NIF3L1: variants seen among roughly 807,000 people sequenced by gnomAD.
NIF3L1 encodes the protein NIF3-like protein 1.
NIF3L1 carries 26 observed loss-of-function variants against 35.0 expected under a neutral mutation model. The observed-to-expected ratio is 0.74, with a 90% CI of 0.54 to 1.03. NIF3L1 has a LOEUF of 1.03. Ranked by LOEUF, NIF3L1 falls within the 50% of genes least tolerant of loss-of-function variation. The pLI, the probability that NIF3L1 is intolerant of heterozygous loss-of-function variation, is 0.00. For missense variants in NIF3L1, 449 were observed against 466.3 expected, an observed-to-expected ratio of 0.96 and a Z score of 0.34; for synonymous variants, 157 against 178.9, an observed-to-expected ratio of 0.88 and a Z score of 0.98.
chr2:200,895,873 C>T (rs2040300411), intron 4 of NIF3L1, among the ~76,000 whole-genome samples: 1 of 152,042 alleles, frequency 6.6e-6, no homozygotes. Flanking sequence ...GAAAAAATGA[C>T]AAGAACCCAT....
At chr2:200,901,830 CCT>C (rs1260986156) in intron 6 of NIF3L1, among the ~76,000 whole-genome samples, 2 of 152,304 alleles carry the variant, frequency 1.3e-5, no homozygotes, top group South Asian at 2.1e-4. Context: ...TGATTTCCCC[CCT>C]TTCATGCCTT....
intron 3 of NIF3L1, among the ~76,000 whole-genome samples, chr2:200,894,515 C>T (rs2040263373): frequency 6.6e-6 from 1 of 151,868 alleles, no homozygotes; most frequent in Admixed American, 6.6e-5. Flanking sequence ...ATTCTCCTGC[C>T]TCAGCCTCCC....
Position 200,894,080 on chromosome 2 carries a change from AGGAGAATCACTTGAACCCGAGAGGC to A in NIF3L1, c.599+677_599+701del, listed in dbSNP as rs910387969. The stretch of plus-strand genomic sequence containing the variant: ...TCCCAGCTACTCAGGAGGCTGAGGC[AGGAGAATCACTTGAACCCGAGAGGC>A]GGAGGTTGCAGTGAGCCGAGATCGC... On this transcript the variant is annotated intron_variant, in intron 3 of 6. Coordinates refer to ENST00000409020, the MANE Select transcript of NIF3L1 (RefSeq NM_001369441.2). Among the ~76,000 whole-genome samples, 13 of 151,732 alleles carry A rather than the reference AGGAGAATCACTTGAACCCGAGAGGC, an allele frequency of 8.6e-5. 1 individual carries two copies. Among genetic ancestry groups the A allele is most frequent in the African/African-American group, 2.2e-4 (9 of 41,400 alleles).
At chr2:200,890,776 A>C (rs965436445) in intron 1 of NIF3L1, among the ~76,000 whole-genome samples, 39 of 152,188 alleles carry the variant, frequency 2.6e-4, no homozygotes, top group African/African-American at 7.5e-4. Flanking sequence ...CTGTCTGGGA[A>C]AAGTACCCTA....
At position 200,899,367 on chromosome 2, in the gene NIF3L1, G is replaced by A; in HGVS notation, c.866-18G>A. 6.2e-7 allele frequency: 1 copy of A among 1,600,814 alleles called. No homozygotes were observed. The highest frequency in any genetic ancestry group is 8.6e-7 in the Non-Finnish European group (1 of 1,168,400). ...GGGAATTGTAAAGTATTGGTCTCTT[G>A]TTTCCTCTGTTTTGAAGAGTCTCAA... On this transcript the variant is annotated intron_variant, in intron 5 of 6. Coordinates refer to ENST00000409020, the MANE Select transcript of NIF3L1 (RefSeq NM_001369441.2).
chr2:200,899,610 G>A (rs1226208026), intron 6 of NIF3L1, 142 bp downstream of exon 6: 6 of 592,078 alleles, frequency 1.0e-5, no homozygotes, highest in Admixed American at 5.9e-5. Context: ...CAGAACTGGG[G>A]ACTTACTGCA....
chr2:200,896,955 T>A, intron 4 of NIF3L1, 121 bp from the exon 5 acceptor site: 1 of 915,292 alleles, frequency 1.1e-6, no homozygotes, highest in Non-Finnish European at 1.6e-6. Context: ...GTCAGGTTTG[T>A]ATCCCCACAT....
At chr2:200,899,040 T>C in intron 5 of NIF3L1, 2 of 217,542 alleles carry the variant, frequency 9.2e-6, no homozygotes, top group Non-Finnish European at 1.9e-5. Context: ...CAGCAGCACA[T>C]ATACTAAAAA....
At chr2:200,894,748 T>TA (rs2040269592) in intron 3 of NIF3L1, among the ~76,000 whole-genome samples, 1 of 150,076 alleles carries the variant, frequency 6.7e-6, no homozygotes, top group Non-Finnish European at 1.5e-5. Flanking sequence ...TTTTAATAAT[T>TA]AAAAAAATAA....
In NIF3L1 at chr2:200,903,660, C is replaced by T. The variant is rs1325582988; in HGVS notation, c.1116C>T (p.Asp372=). 6.2e-7 allele frequency: 1 copy of T among 1,612,582 alleles called. No individual in the cohort carries two copies. The highest frequency in any genetic ancestry group is 2.2e-5 in the East Asian group (1 of 44,868). Residue 372 remains aspartate (D), a synonymous_variant, in exon 7 of 7, where the codon GAC becomes GAT. Transcript: ENST00000409020. ...INIILSETDR[D]PLQVV ...TTATCCTATCAGAGACTGACAGGGA[C>T]CCTCTTCAGGTGGTATAATTGCAGA...
rs2040377653 is a variant in NIF3L1 at position 200,899,488 on chromosome 2, T to C, written c.949+20T>C. On this transcript the variant is annotated intron_variant, in intron 6 of 6. Coordinates refer to ENST00000409020, the MANE Select transcript of NIF3L1 (RefSeq NM_001369441.2). ...TCACAGGTAGGACAGACTTTGGATCTCTCTTGGTTTATTTTTTGCAAAATC... is the reference window on the plus strand; with the variant it reads ...TCACAGGTAGGACAGACTTTGGATCCCTCTTGGTTTATTTTTTGCAAAATC... The C allele has an allele frequency of 6.2e-7, 1 of 1,605,420 alleles. No individual in the cohort carries two copies.
intron 5 of NIF3L1, among the ~76,000 whole-genome samples, chr2:200,898,169 G>A (rs1269516201): frequency 2.1e-5 from 3 of 141,714 alleles, no homozygotes; most frequent in Non-Finnish European, 4.6e-5. Context: ...GGTTCAGAGA[G>A]ATAAGTAACT....
intron 3 of NIF3L1, among the ~76,000 whole-genome samples, chr2:200,894,437 G>A (rs1445143547): frequency 6.6e-6 from 1 of 151,954 alleles, no homozygotes; most frequent in Non-Finnish European, 1.5e-5. Context: ...GTCTCACTCT[G>A]TTGCCCAGGT....
rs1171955658 is a variant in NIF3L1 at position 200,900,212 on chromosome 2, C to G, written c.949+744C>G. 2.0e-5 allele frequency among the ~76,000 whole-genome samples: 3 copies of G among 152,148 alleles called. No homozygotes were observed. The East Asian group carries it at 5.8e-4, about 29-fold the overall frequency. On this transcript the variant is annotated intron_variant, in intron 6 of 6. Transcript: ENST00000409020. ...TGCACTTCTGTTGGATAGTAATTGT[C>G]TGGCTGCTGGGCCTTATACTTTCTC...
In NIF3L1 at chr2:200,899,487, C is replaced by T. The variant is rs2040377607; in HGVS notation, c.949+19C>T. On this transcript the variant is annotated intron_variant, in intron 6 of 6. Transcript: ENST00000409020. The stretch of plus-strand genomic sequence containing the variant: ...CTCACAGGTAGGACAGACTTTGGAT[C>T]TCTCTTGGTTTATTTTTTGCAAAAT... 2 of 1,606,096 alleles carry T rather than the reference C, an allele frequency of 1.2e-6. No homozygotes were observed. The highest frequency in any genetic ancestry group is 2.7e-5 in the African/African-American group (2 of 74,700).
At chr2:200,897,782 T>C (rs574965113) in intron 5 of NIF3L1, among the ~76,000 whole-genome samples, 2 of 152,336 alleles carry the variant, frequency 1.3e-5, no homozygotes, top group Admixed American at 6.5e-5. Flanking sequence ...CTGGTACTTT[T>C]GAGAACAAAA....
In NIF3L1 at chr2:200,893,397, T is replaced by G. The variant is rs2040240822; in HGVS notation, c.588T>G (p.Ser196=). Residue 196 remains serine (S), a synonymous_variant, in exon 3 of 7, where the codon TCT becomes TCG. Coordinates refer to ENST00000409020, the MANE Select transcript of NIF3L1 (RefSeq NM_001369441.2). ...GAATTGACGGTGTTTCTGTCACTTC[T>G]TTTTCTGCTAGGTACAATTTATTTT... is the stretch of plus-strand genomic sequence containing the variant. ...VKGIDGVSVT[S]FSARTGNEEQ... 1 of 1,613,886 alleles carries G rather than the reference T, an allele frequency of 6.2e-7. No homozygotes were observed. The highest frequency in any genetic ancestry group is 8.5e-7 in the Non-Finnish European group (1 of 1,179,838).
At chr2:200,903,432 G>C in intron 6 of NIF3L1, 62 bp from the exon 7 acceptor site, 1 of 1,374,644 alleles carries the variant, frequency 7.3e-7, no homozygotes, top group Non-Finnish European at 1.0e-6. Context: ...CTGCTTTTGT[G>C]TTTCCTCATT....
intron 1 of NIF3L1, among the ~76,000 whole-genome samples, chr2:200,891,251 C>T (rs2040187513): frequency 6.6e-6 from 1 of 152,172 alleles, no homozygotes. Context: ...CCACATTATT[C>T]TGTTTTTTGG....
Sources: allele counts gnomAD v4.1 joint callset (sites outside exome capture counted in the v4.1 genomes callset), GRCh38; gene constraint gnomAD v4.1.1; transcripts MANE v1.5; gene names NCBI Gene and HGNC (gene_info 2026-07-23, HGNC 2026-07-21).